The following SOX5 variants were observed in gnomAD, a reference collection of about 807,000 sequenced individuals.
SOX5 encodes the protein transcription factor SOX-5.
SOX5 carries 9 observed loss-of-function variants against 92.0 expected under a neutral mutation model. That is an observed-to-expected ratio of 0.10 (90% confidence interval 0.06 to 0.17). The LOEUF (loss-of-function observed/expected upper bound fraction) is 0.17. SOX5 is among the 10% of genes least tolerant of loss of function. SOX5 has a pLI of 1.00. For missense variants in SOX5, 642 were observed against 944.5 expected, an observed-to-expected ratio of 0.68 and a Z score of 4.20; for synonymous variants, 344 against 336.3, an observed-to-expected ratio of 1.02 and a Z score of -0.25.
At chr12:23,682,323 T>G (rs2086756228) in intron 6 of SOX5, among the ~76,000 whole-genome samples, 1 of 151,836 alleles carries the variant, frequency 6.6e-6, no homozygotes, top group African/African-American at 2.4e-5. Flanking sequence ...ATAAGTGGTT[T>G]TGCCTTTAAC....
At chr12:23,880,381 T>G (rs753925561) in intron 2 of SOX5, among the ~76,000 whole-genome samples, 36 of 152,312 alleles carry the variant, frequency 2.4e-4, no homozygotes, top group Non-Finnish European at 3.7e-4. Context: ...TTGACTCAAA[T>G]TCCAATAGCA....
intron 1 of SOX5, among the ~76,000 whole-genome samples, chr12:23,927,940 A>T (rs779911056): frequency 2.2e-4 from 33 of 152,078 alleles, no homozygotes; most frequent in Non-Finnish European, 4.3e-4. Flanking sequence ...CATTTTCCAG[A>T]ACCCAGAAGA....
At chr12:23,551,324 A>C (rs1302520256) in intron 11 of SOX5, among the ~76,000 whole-genome samples, 1 of 151,936 alleles carries the variant, frequency 6.6e-6, no homozygotes, top group African/African-American at 2.4e-5. Flanking sequence ...TTTTTTCATC[A>C]GCTTAAGTGT....
chr12:24,322,713 C>T (rs759137741), intron 2 of SOX5, among the ~76,000 whole-genome samples: 2 of 152,094 alleles, frequency 1.3e-5, no homozygotes, highest in Non-Finnish European at 2.9e-5. Context: ...TATCTGCAAA[C>T]AAGAAACCTC....
chr12:24,112,308 T>A lies in SOX5; in HGVS notation c.-2+101035A>T, dbSNP rs904546800. Among the ~76,000 whole-genome samples, 6 of 152,162 alleles carry A rather than the reference T, an allele frequency of 3.9e-5. No individual in the cohort carries two copies. In the East Asian group the frequency reaches 1.2e-3, roughly 29 times the overall value. ...AAAAAGTTTTATGGAAACATAGCCATGGTTATTCATTTATGTACTATGTAT... is the reference window on the plus strand; with the variant it reads ...AAAAAGTTTTATGGAAACATAGCCAAGGTTATTCATTTATGTACTATGTAT... On this transcript the variant is annotated intron_variant, in intron 4 of 4. Coordinates refer to the SOX5 transcript ENST00000446891.
At chr12:24,446,348 A>G (rs1941474061) in intron 1 of SOX5, among the ~76,000 whole-genome samples, 1 of 152,220 alleles carries the variant, frequency 6.6e-6, no homozygotes, top group Non-Finnish European at 1.5e-5. Flanking sequence ...TAAGATCAGA[A>G]ACACCAAGGA....
At chr12:23,937,940 G>A (rs758128042) in intron 1 of SOX5, among the ~76,000 whole-genome samples, 30 of 150,720 alleles carry the variant, frequency 2.0e-4, no homozygotes, top group Non-Finnish European at 4.3e-4. Context: ...CCAAGCAGAT[G>A]GTTGAAATCT....
intron 2 of SOX5, among the ~76,000 whole-genome samples, chr12:24,290,004 C>T (rs987669238): frequency 6.6e-6 from 1 of 152,166 alleles, no homozygotes; most frequent in African/African-American, 2.4e-5. Flanking sequence ...CCGGTACAAA[C>T]GCTAATACCT....
At chr12:24,422,756 A>G (rs1966128625) in intron 1 of SOX5, among the ~76,000 whole-genome samples, 3 of 152,244 alleles carry the variant, frequency 2.0e-5, no homozygotes, top group African/African-American at 7.2e-5. Context: ...CACACCTGTA[A>G]TCTTAGTACT....
chr12:24,398,606 C>T (rs1457676316), intron 1 of SOX5, among the ~76,000 whole-genome samples: 1 of 151,782 alleles, frequency 6.6e-6, no homozygotes, highest in Non-Finnish European at 1.5e-5. Context: ...AGGTTTGTGC[C>T]CTAAAAACAA....
chr12:24,191,585 C>T (rs1368924336), intron 4 of SOX5, among the ~76,000 whole-genome samples: 1 of 152,220 alleles, frequency 6.6e-6, no homozygotes, highest in African/African-American at 2.4e-5. Context: ...AGGTCATCTG[C>T]TACTTTGTAT....
intron 1 of SOX5, among the ~76,000 whole-genome samples, chr12:24,462,224 G>A (rs113961040): frequency 0.014 from 2,066 of 152,246 alleles, 48 homozygotes; most frequent in African/African-American, 0.046. Flanking sequence ...GCCTGTTACT[G>A]TACTGAATAC....
At chr12:24,077,560 G>A (rs1942778845) in intron 4 of SOX5, among the ~76,000 whole-genome samples, 1 of 151,602 alleles carries the variant, frequency 6.6e-6, no homozygotes, top group South Asian at 2.1e-4. Flanking sequence ...TGATTGCAAG[G>A]AGTATCAGTG....
intron 6 of SOX5, among the ~76,000 whole-genome samples, chr12:23,695,240 T>C (rs1225839411): frequency 6.6e-6 from 1 of 152,226 alleles, no homozygotes; most frequent in Non-Finnish European, 1.5e-5. Context: ...TTAGCATAGC[T>C]TGAAATAAGC....
intron 2 of SOX5, among the ~76,000 whole-genome samples, chr12:23,865,806 T>C (rs955870885): frequency 6.6e-6 from 1 of 152,142 alleles, no homozygotes; most frequent in Non-Finnish European, 1.5e-5. Context: ...ATTAAGAACA[T>C]TCGTGATGCA....
intron 3 of SOX5, among the ~76,000 whole-genome samples, chr12:24,260,375 A>G (rs1379805921): frequency 1.3e-5 from 2 of 152,238 alleles, no homozygotes; most frequent in Non-Finnish European, 2.9e-5. Context: ...GTAGAATATC[A>G]TAGGATTGTT....
intron 4 of SOX5, among the ~76,000 whole-genome samples, chr12:24,109,370 A>G (rs1378356937): frequency 6.6e-6 from 1 of 152,272 alleles, no homozygotes; most frequent in Non-Finnish European, 1.5e-5. Flanking sequence ...AAAACTACAA[A>G]AGCGTTGCAC....
chr12:23,548,886 T>C (rs1943655008), intron 11 of SOX5, among the ~76,000 whole-genome samples: 1 of 151,940 alleles, frequency 6.6e-6, no homozygotes, highest in Non-Finnish European at 1.5e-5. Context: ...AAGTTTAAAT[T>C]CAATTGAATG....
chr12:24,103,687 T>C (rs1360810082), intron 4 of SOX5, among the ~76,000 whole-genome samples: 1 of 152,242 alleles, frequency 6.6e-6, no homozygotes, highest in East Asian at 1.9e-4. Flanking sequence ...TTGTTTAACC[T>C]ATGAAAGAAT....
Sources: allele counts gnomAD v4.1 joint callset (sites outside exome capture counted in the v4.1 genomes callset), GRCh38; gene constraint gnomAD v4.1.1; transcripts MANE v1.5; gene names NCBI Gene and HGNC (gene_info 2026-07-23, HGNC 2026-07-21).